The following FBXO11 variants were observed in gnomAD, a reference collection of about 807,000 sequenced individuals.
FBXO11 encodes F-box only protein 11.
FBXO11 carries 13 observed loss-of-function variants against 117.0 expected under a neutral mutation model. The ratio of observed to expected loss-of-function variants is 0.11; its 90% CI spans 0.07 to 0.18. FBXO11 has a LOEUF of 0.18. Among genes scored for constraint, FBXO11 ranks in the 10% least tolerant of loss-of-function variants. The probability of loss-of-function intolerance (pLI) is 1.00; values close to 1 mark genes in which losing one functional copy is unlikely to be tolerated. For missense variants in FBXO11, 767 were observed against 1,164.4 expected (o/e 0.66, Z 4.97); for synonymous variants, 490 against 380.5 (o/e 1.29, Z -3.35).
rs1162605531 is a variant in FBXO11, at chr2:47,809,593, A to T, written c.2446+7T>A. The stretch of plus-strand genomic sequence containing the variant: ...TATATTTATAGGTATAGCAGACTCC[A>T]ACATACCTTTCATTGTCACATTAAC... On this transcript the variant is annotated splice_region_variant and intron_variant, in intron 20 of 22. Transcript: ENST00000403359. The T allele has an allele frequency of 1.3e-6, 2 of 1,599,050 alleles. No homozygotes were observed. The highest frequency in any genetic ancestry group is 1.7e-6 in the Non-Finnish European group (2 of 1,167,172).
intron 1 of FBXO11, among the ~76,000 whole-genome samples, chr2:47,895,299 T>C (rs1319464218): frequency 6.6e-6 from 1 of 152,224 alleles, no homozygotes; most frequent in Non-Finnish European, 1.5e-5. Context: ...TCATACAATG[T>C]AATACTAAAC....
At chr2:47,899,512 G>A (rs971105421) in intron 1 of FBXO11, among the ~76,000 whole-genome samples, 3 of 152,024 alleles carry the variant, frequency 2.0e-5, no homozygotes, top group South Asian at 2.1e-4. Flanking sequence ...ATTCCCACTT[G>A]AAAGATCACA....
At chr2:47,822,722 GACTTTTTGATAATTTTAGT>G (rs1195870716) in intron 12 of FBXO11, among the ~76,000 whole-genome samples, 1 of 152,120 alleles carries the variant, frequency 6.6e-6, no homozygotes. Flanking sequence ...TGCAGTTTTT[GACTTTTTGATAATTTTAGT>G]CTTTCTGGCC....
Position 47,857,878 on chromosome 2 carries a change from A to G in FBXO11, c.233-18109T>C, listed in dbSNP as rs993402300. Among the ~76,000 whole-genome samples, 4 of 152,222 alleles carry G rather than the reference A, an allele frequency of 2.6e-5. 1 individual carries two copies. Among genetic ancestry groups the G allele is most frequent in the African/African-American group, 4.8e-5 (2 of 41,452 alleles). Reference sequence around the variant, plus strand: ...CTTTGCAGCTGGAAATACAAGAATCATAAGGCAGACGCAGCAGACTTTTAA... The same window carrying G: ...CTTTGCAGCTGGAAATACAAGAATCGTAAGGCAGACGCAGCAGACTTTTAA... On this transcript the variant is annotated intron_variant, in intron 1 of 22. Transcript: ENST00000403359.
chr2:47,870,087 A>T (rs1221218984), intron 1 of FBXO11, among the ~76,000 whole-genome samples: 1 of 152,246 alleles, frequency 6.6e-6, no homozygotes, highest in Non-Finnish European at 1.5e-5. Flanking sequence ...CTCTCCAAGC[A>T]AGAAGGAATT....
chr2:47,869,600 A>G (rs754864497), intron 1 of FBXO11, among the ~76,000 whole-genome samples: 23 of 152,208 alleles, frequency 1.5e-4, no homozygotes, highest in Non-Finnish European at 2.8e-4. Flanking sequence ...CCCACCAGGT[A>G]AAGATCCACG....
intron 1 of FBXO11, among the ~76,000 whole-genome samples, chr2:47,854,526 G>GA (rs1228291543): frequency 4.6e-5 from 7 of 151,832 alleles, no homozygotes; most frequent in Non-Finnish European, 1.0e-4. Flanking sequence ...ATAAATAATA[G>GA]AAAACAGAAC....
Position 47,809,138 on chromosome 2 carries a change from C to T in FBXO11, c.2555+20G>A, listed in dbSNP as rs747034865. The T allele has an allele frequency of 7.0e-7, 1 of 1,428,586 alleles. No homozygotes were observed. The highest frequency in any genetic ancestry group is 1.2e-5 in the South Asian group (1 of 81,624). The allele number at this position is 1,428,586 out of a possible 1,614,324, so 88.5% of individuals were successfully genotyped here. On this transcript the variant is annotated intron_variant, in intron 21 of 22. Transcript: ENST00000403359. Reference sequence around the variant, plus strand: ...AATCAGTCTTCCTCTTTTCAGGACTCAAATATATTTCTAAGTTACCTGTAG... The same window carrying T: ...AATCAGTCTTCCTCTTTTCAGGACTTAAATATATTTCTAAGTTACCTGTAG...
intron 1 of FBXO11, among the ~76,000 whole-genome samples, chr2:47,892,575 A>C (rs1018777225): frequency 2.0e-5 from 3 of 152,262 alleles, no homozygotes; most frequent in African/African-American, 7.2e-5. Context: ...ATGCAGAATC[A>C]GAAAGATTCA....
chr2:47,837,196 C>G (rs1672649814), intron 4 of FBXO11, among the ~76,000 whole-genome samples: 1 of 152,208 alleles, frequency 6.6e-6, no homozygotes, highest in Non-Finnish European at 1.5e-5. Context: ...TTCTGCTGCT[C>G]TTCATTCTCA....
chr2:47,897,759 C>G (rs990527792), intron 1 of FBXO11, among the ~76,000 whole-genome samples: 8 of 149,718 alleles, frequency 5.3e-5, no homozygotes, highest in African/African-American at 2.0e-4. Flanking sequence ...AAAGATTTTG[C>G]CACAATTCAA....
At chr2:47,819,470 T>G (rs1671229672) in intron 14 of FBXO11, among the ~76,000 whole-genome samples, 1 of 152,178 alleles carries the variant, frequency 6.6e-6, no homozygotes, top group Admixed American at 6.5e-5. Flanking sequence ...CGCGTTGGCC[T>G]CCCAAAGTGC....
chr2:47,833,348 G>T (rs1270706915), intron 7 of FBXO11, among the ~76,000 whole-genome samples: 2 of 152,128 alleles, frequency 1.3e-5, no homozygotes, highest in Admixed American at 1.3e-4. Flanking sequence ...GTTTCTTGTG[G>T]AAACCATTCT....
At chr2:47,900,692 G>A (rs545231408) in intron 1 of FBXO11, among the ~76,000 whole-genome samples, 1 of 105,052 alleles carries the variant, frequency 9.5e-6, no homozygotes, top group African/African-American at 4.3e-5. Context: ...ATACACACAC[G>A]TATACACACA....
chr2:47,889,926 T>C (rs1677136626), intron 1 of FBXO11, among the ~76,000 whole-genome samples: 1 of 152,224 alleles, frequency 6.6e-6, no homozygotes, highest in Admixed American at 6.5e-5. Context: ...GCAAAACATT[T>C]GTACGTATTT....
chr2:47,868,816 C>G (rs1390499382), intron 1 of FBXO11, among the ~76,000 whole-genome samples: 2 of 152,154 alleles, frequency 1.3e-5, no homozygotes, highest in Non-Finnish European at 1.5e-5. Context: ...GGGTGATCAG[C>G]CAGGTACCTA....
chr2:47,883,124 A>G (rs1333001691), intron 1 of FBXO11, among the ~76,000 whole-genome samples: 2 of 152,050 alleles, frequency 1.3e-5, no homozygotes, highest in Non-Finnish European at 2.9e-5. Flanking sequence ...CTGGGTCACA[A>G]TTTTCATCTG....
chr2:47,897,199 T>C (rs544225245), intron 1 of FBXO11, among the ~76,000 whole-genome samples: 112 of 152,318 alleles, frequency 7.4e-4, no homozygotes, highest in Non-Finnish European at 1.3e-3. Flanking sequence ...CACATGTTCT[T>C]ATATACAGTA....
intron 1 of FBXO11, among the ~76,000 whole-genome samples, chr2:47,854,228 C>T (rs533323779): frequency 4.6e-5 from 7 of 151,492 alleles, no homozygotes; most frequent in East Asian, 1.9e-4. Context: ...GACGGAGTCT[C>T]GCTCTGTCAC....
Sources: gnomAD v4.1 joint callset for allele counts (sites outside exome capture counted in the v4.1 genomes callset) on GRCh38, gnomAD v4.1.1 for gene constraint, MANE v1.5 for transcripts, NCBI Gene and HGNC (gene_info 2026-07-23, HGNC 2026-07-21) for gene names.